The following MBP variants were observed in gnomAD, a reference collection of about 807,000 sequenced individuals.
MBP encodes the protein myelin basic protein.
Under a neutral mutation model 35.8 loss-of-function variants are expected in MBP, and 16 were observed. The observed-to-expected ratio is 0.45, with a 90% confidence interval of 0.30 to 0.68. The LOEUF (loss-of-function observed/expected upper bound fraction) is 0.68. MBP is among the 30% of genes least tolerant of loss of function. The pLI, the probability that MBP is intolerant of heterozygous loss-of-function variation, is 0.08. For synonymous variants in MBP, 143 were observed against 159.6 expected (o/e 0.90, Z 0.78); for missense variants, 380 against 404.7 (o/e 0.94, Z 0.52).
chr18:77,124,075 T>C (rs1384386134), intron 1 of MBP, among the ~76,000 whole-genome samples: 1 of 152,090 alleles, frequency 6.6e-6, no homozygotes, highest in Non-Finnish European at 1.5e-5. Flanking sequence ...GGAGCAGGGC[T>C]CTCTGGGAGC....
chr18:77,120,593 A>AT (rs1334813792), intron 1 of MBP, among the ~76,000 whole-genome samples: 1 of 152,208 alleles, frequency 6.6e-6, no homozygotes, highest in Non-Finnish European at 1.5e-5. Flanking sequence ...CCTCCAGACT[A>AT]TTTTACAAAA....
At chr18:77,060,157 T>C (rs905812208) in intron 3 of MBP, among the ~76,000 whole-genome samples, 2 of 152,200 alleles carry the variant, frequency 1.3e-5, no homozygotes, top group Non-Finnish European at 2.9e-5. Context: ...GCCATTTCTC[T>C]ATTTTGTTTT....
intron 2 of MBP, chr18:77,067,791 A>G (rs761876036): frequency 1.4e-5 from 7 of 505,936 alleles, no homozygotes; most frequent in African/African-American, 1.4e-4. Context: ...ACCCAGGACC[A>G]TAATATGTAC....
intron 3 of MBP, among the ~76,000 whole-genome samples, chr18:77,023,301 G>A (rs374213863): frequency 2.6e-5 from 4 of 152,212 alleles, no homozygotes; most frequent in African/African-American, 9.6e-5. Flanking sequence ...CACTGAGGTG[G>A]TGTTAATGAA....
At chr18:77,017,309 G>A (rs1477950304) in intron 3 of MBP, 41 bp from the exon 4 acceptor site, 1 of 1,477,500 alleles carries the variant, frequency 6.8e-7, no homozygotes, top group East Asian at 2.3e-5. Context: ...CCTGTGCAAA[G>A]CTGAGCACCG....
chr18:77,046,784 G>A (rs470542), intron 3 of MBP, among the ~76,000 whole-genome samples: 134,498 of 152,258 alleles, frequency 0.88, 59,785 homozygotes, highest in South Asian at 0.93. Flanking sequence ...AGCGGGAGAG[G>A]GCTCTGGAAG....
intron 2 of MBP, among the ~76,000 whole-genome samples, chr18:77,081,803 T>C (rs1483745012): frequency 7.9e-5 from 10 of 126,568 alleles, no homozygotes; most frequent in East Asian, 2.4e-4. Flanking sequence ...CGTATATATA[T>C]ATGCACACAC....
intron 7 of MBP, chr18:76,987,198 A>C: frequency 1.0e-6 from 1 of 985,494 alleles, no homozygotes; most frequent in Non-Finnish European, 1.2e-6. Flanking sequence ...GTCCACTCCT[A>C]GAAAATTAAG....
intron 2 of MBP, among the ~76,000 whole-genome samples, chr18:77,084,793 C>G (rs1296748440): frequency 6.6e-6 from 1 of 152,164 alleles, no homozygotes; most frequent in Non-Finnish European, 1.5e-5. Flanking sequence ...GCCAAGCAAA[C>G]ATTAACCAGT....
chr18:77,104,113 G>C (rs1976160110), intron 2 of MBP, among the ~76,000 whole-genome samples: 1 of 152,240 alleles, frequency 6.6e-6, no homozygotes, highest in Non-Finnish European at 1.5e-5. Context: ...GCTGGAGCCA[G>C]AGGCTGAGGA....
intron 3 of MBP, among the ~76,000 whole-genome samples, chr18:77,026,162 G>A (rs544070710): frequency 1.3e-5 from 2 of 152,354 alleles, no homozygotes; most frequent in South Asian, 2.1e-4. Context: ...TTTCAGGGAC[G>A]GTGCCTGCAG....
intron 3 of MBP, among the ~76,000 whole-genome samples, chr18:77,025,987 G>C (rs761795055): frequency 6.6e-6 from 1 of 152,170 alleles, no homozygotes; most frequent in East Asian, 1.9e-4. Flanking sequence ...TGAGTGCATC[G>C]CTCATCCCGC....
intron 3 of MBP, among the ~76,000 whole-genome samples, chr18:77,049,485 G>A (rs574510951): frequency 2.0e-5 from 3 of 152,202 alleles, no homozygotes; most frequent in East Asian, 3.9e-4. Flanking sequence ...AATGGGACCC[G>A]GAAGATTTGC....
At position 77,073,930 on chromosome 18, in the gene MBP, C is replaced by T. The variant is rs138261660; in HGVS notation, c.52-7545G>A. Among the ~76,000 whole-genome samples the T allele has an allele frequency of 1.4e-3, 211 of 151,206 alleles. 1 individual carries two copies. Among genetic ancestry groups the T allele is most frequent in the African/African-American group, 4.7e-3 (194 of 41,418 alleles). The stretch of plus-strand genomic sequence containing the variant: ...TATCTGTTACTTTAGATGTACTTAT[C>T]GGAAACGAAATGAGATAGACTTTCA... On this transcript the variant is annotated intron_variant, in intron 2 of 8. Coordinates refer to ENST00000355994, the MANE Select transcript of MBP (RefSeq NM_001025101.2).
At chr18:77,099,675 G>A (rs556788574) in intron 2 of MBP, among the ~76,000 whole-genome samples, 178 of 152,348 alleles carry the variant, frequency 1.2e-3, no homozygotes, top group African/African-American at 4.1e-3. Flanking sequence ...CTGCGACTCA[G>A]TGCCTGGGAG....
At chr18:77,089,960 C>T (rs1975435406) in intron 2 of MBP, among the ~76,000 whole-genome samples, 1 of 152,184 alleles carries the variant, frequency 6.6e-6, no homozygotes, top group Non-Finnish European at 1.5e-5. Context: ...GATAGTCAGA[C>T]ACTCACAGAT....
At chr18:77,104,932 T>A (rs774273080) in intron 2 of MBP, among the ~76,000 whole-genome samples, 2 of 152,128 alleles carry the variant, frequency 1.3e-5, no homozygotes. Flanking sequence ...CTTTCTTTCT[T>A]CTTCCTAACT....
chr18:77,002,600 C>A (rs537901635), intron 4 of MBP, among the ~76,000 whole-genome samples: 57 of 152,338 alleles, frequency 3.7e-4, no homozygotes, highest in African/African-American at 1.3e-3. Context: ...CCAAAAATAT[C>A]ATTCAGCACT....
At chr18:76,996,812 C>G (rs1248692187) in intron 4 of MBP, among the ~76,000 whole-genome samples, 1 of 152,152 alleles carries the variant, frequency 6.6e-6, no homozygotes, top group Non-Finnish European at 1.5e-5. Context: ...ACGTGCATCA[C>G]AACTCATAGA....
Sources: allele counts gnomAD v4.1 joint callset (sites outside exome capture counted in the v4.1 genomes callset), GRCh38; gene constraint gnomAD v4.1.1; transcripts MANE v1.5; gene names NCBI Gene and HGNC (gene_info 2026-07-23, HGNC 2026-07-21).